The following SLC39A14 variants were observed in gnomAD, a reference collection of about 807,000 sequenced individuals.
SLC39A14 encodes solute carrier family 39 member 14, also known as metal cation symporter ZIP14.
SLC39A14 carries 19 observed loss-of-function variants against 45.5 expected under a neutral mutation model. That is an observed-to-expected ratio of 0.42 (90% CI 0.29 to 0.61). SLC39A14 has a LOEUF of 0.61. SLC39A14 is among the 20% of genes least tolerant of loss of function. SLC39A14 has a pLI of 0.22. For missense variants in SLC39A14, 447 were observed against 616.5 expected, an observed-to-expected ratio of 0.73 and a Z score of 2.91; for synonymous variants, 264 against 251.3, an observed-to-expected ratio of 1.05 and a Z score of -0.48.
intron 3 of SLC39A14, 26 bp downstream of exon 3, chr8:22,408,522 C>G: frequency 6.3e-7 from 1 of 1,593,914 alleles, no homozygotes; most frequent in Non-Finnish European, 8.6e-7. Context: ...AAGGCAGGAG[C>G]CCATCTCCCA....
At chr8:22,431,165 T>A (rs1005508449) in intron 8 of SLC39A14, among the ~76,000 whole-genome samples, 2 of 152,142 alleles carry the variant, frequency 1.3e-5, no homozygotes, top group African/African-American at 4.8e-5. Context: ...TTTTTTGTAT[T>A]TTTAGTAGAG....
chr8:22,397,964 G>A (rs1834604231), intron 1 of SLC39A14, among the ~76,000 whole-genome samples: 1 of 152,156 alleles, frequency 6.6e-6, no homozygotes, highest in Non-Finnish European at 1.5e-5. Context: ...TGATGTGCCA[G>A]GATCATGGGT....
chr8:22,382,345 G>A (rs1357210993), intron 1 of SLC39A14, among the ~76,000 whole-genome samples: 1 of 152,090 alleles, frequency 6.6e-6, no homozygotes, highest in Non-Finnish European at 1.5e-5. Flanking sequence ...TATGAAATAG[G>A]CACTCATACA....
Position 22,405,373 on chromosome 8 carries a change from C to A in SLC39A14, c.270+393C>A, listed in dbSNP as rs545868146. Among the ~76,000 whole-genome samples, 5 of 152,312 alleles carry A rather than the reference C, an allele frequency of 3.3e-5. No individual in the cohort carries two copies. In the South Asian group the frequency reaches 1.0e-3, roughly 32 times the overall value. ...ACTAGAAATACAAGAATTAGCCAGG[C>A]ATGGTGGCGGATGCCTGTGATCCCA... On this transcript the variant is annotated intron_variant, in intron 2 of 8. Coordinates refer to ENST00000381237, the MANE Select transcript of SLC39A14 (RefSeq NM_001128431.4).
chr8:22,392,208 C>T (rs1008267636), intron 1 of SLC39A14, among the ~76,000 whole-genome samples: 4 of 152,112 alleles, frequency 2.6e-5, no homozygotes, highest in African/African-American at 7.2e-5. Context: ...TAAGTAAAGC[C>T]GTTGTCCTGA....
chr8:22,416,349 G>T, intron 7 of SLC39A14, 69 bp downstream of exon 7: 1 of 1,338,182 alleles, frequency 7.5e-7, no homozygotes. Flanking sequence ...CCTGTGGCCG[G>T]TTCCTTGCTC....
intron 1 of SLC39A14, among the ~76,000 whole-genome samples, chr8:22,370,000 T>C (rs926407387): frequency 1.3e-5 from 2 of 152,134 alleles, no homozygotes; most frequent in Admixed American, 6.5e-5. Context: ...CACAGATCAA[T>C]TGGGCAATTT....
rs193284398 is a variant in SLC39A14 at position 22,391,578 on chromosome 8, T to C, written c.-15-13118T>C. On this transcript the variant is annotated intron_variant, in intron 1 of 8. Transcript: ENST00000381237. ...GTTCTGAGCTCCCTGTTCTTTTTTT[T>C]TTTTCTTTTGAGATGGAGTCTTTGC... Among the ~76,000 whole-genome samples the C allele has an allele frequency of 5.3e-3, 800 of 151,910 alleles. 7 individuals are homozygous for C. The highest frequency in any genetic ancestry group is 0.018 in the African/African-American group (762 of 41,430).
chr8:22,387,619 C>T (rs958537074), intron 1 of SLC39A14, among the ~76,000 whole-genome samples: 1 of 152,152 alleles, frequency 6.6e-6, no homozygotes, highest in African/African-American at 2.4e-5. Context: ...GTTTTTAAAC[C>T]TGAGGATAGG....
rs774725406 is a variant in SLC39A14, at chr8:22,404,827, C to T, written c.117C>T (p.Ser39=). The change falls in exon 2 of 9, where the codon AGC becomes AGT. Residue 39 remains serine (S), a synonymous_variant. Transcript: ENST00000381237. ...HASSLGAPAI[S]AASFLQDLIH... ...CATCCCTGGGTGCACCAGCTATCAG[C>T]GCTGCCTCCTTCCTGCAGGATCTAA... 6.2e-6 allele frequency: 10 copies of T among 1,613,622 alleles called. No homozygotes were observed. The highest frequency in any genetic ancestry group is 1.6e-4 in the Middle Eastern group (1 of 6,062).
chr8:22,382,747 C>T (rs1047751030), intron 1 of SLC39A14, among the ~76,000 whole-genome samples: 8 of 152,140 alleles, frequency 5.3e-5, no homozygotes, highest in African/African-American at 1.9e-4. Flanking sequence ...CAGAGTCTTA[C>T]TCTGCCACCC....
chr8:22,429,822 C>A (rs1236275072), intron 8 of SLC39A14, among the ~76,000 whole-genome samples: 1 of 152,136 alleles, frequency 6.6e-6, no homozygotes, highest in Non-Finnish European at 1.5e-5. Flanking sequence ...AAACAAAAAC[C>A]AAGTGCTACA....
At chr8:22,372,388 T>C (rs1832984732) in intron 1 of SLC39A14, among the ~76,000 whole-genome samples, 2 of 152,198 alleles carry the variant, frequency 1.3e-5, no homozygotes, top group African/African-American at 4.8e-5. Flanking sequence ...TAAGATCTTT[T>C]CCATATCAGC....
At chr8:22,376,607 C>T (rs1436913883) in intron 1 of SLC39A14, among the ~76,000 whole-genome samples, 3 of 151,968 alleles carry the variant, frequency 2.0e-5, no homozygotes, top group Non-Finnish European at 4.4e-5. Flanking sequence ...GGGCCAGGCA[C>T]GGTGGCTCAC....
chr8:22,420,275 A>G lies in SLC39A14; in HGVS notation c.*577A>G, dbSNP rs1836150498. 3 of 985,388 alleles carry G rather than the reference A, an allele frequency of 3.0e-6. No homozygotes were observed. The highest frequency in any genetic ancestry group is 6.1e-5 in the Admixed American group (1 of 16,268). The allele number at this position is 985,388 out of a possible 1,614,324, so 61.0% of individuals were successfully genotyped here. ...CATGAGCAGGGTGAGAGGTGAGGCA[A>G]GGTTCATCCTGAATGGGAGAGGAAG... On this transcript the variant is annotated 3_prime_UTR_variant, in exon 9 of 9. Coordinates refer to ENST00000381237, the MANE Select transcript of SLC39A14 (RefSeq NM_001128431.4).
At chr8:22,377,245 G>A (rs1232297645) in intron 1 of SLC39A14, among the ~76,000 whole-genome samples, 2 of 150,954 alleles carry the variant, frequency 1.3e-5, no homozygotes, top group African/African-American at 4.9e-5. Flanking sequence ...CCTTCCGGTT[G>A]TCTCCTGTGT....
At chr8:22,406,913 A>G (rs7823832) in intron 2 of SLC39A14, among the ~76,000 whole-genome samples, 85,277 of 151,766 alleles carry the variant, frequency 0.56, 24,876 homozygotes, top group African/African-American at 0.73. Context: ...GGAGCACACC[A>G]AGAGGGCTGA....
chr8:22,421,328 A>G lies in SLC39A14; in HGVS notation c.*1630A>G. On this transcript the variant is annotated 3_prime_UTR_variant, in exon 9 of 9. Coordinates refer to ENST00000381237, the MANE Select transcript of SLC39A14 (RefSeq NM_001128431.4). ...TCTCTTCTTGGGAGACATCTGTCAAACCAGGAATATTCTTGAAAAGAACGT... is the reference window on the plus strand; with the variant it reads ...TCTCTTCTTGGGAGACATCTGTCAAGCCAGGAATATTCTTGAAAAGAACGT... The G allele has an allele frequency of 2.0e-6, 2 of 985,866 alleles. No individual in the cohort carries two copies. The highest frequency in any genetic ancestry group is 2.4e-6 in the Non-Finnish European group (2 of 829,922). The allele number at this position is 985,866 out of a possible 1,614,324, so 61.1% of individuals were successfully genotyped here.
At chr8:22,372,731 C>T (rs1283272947) in intron 1 of SLC39A14, among the ~76,000 whole-genome samples, 4 of 152,058 alleles carry the variant, frequency 2.6e-5, no homozygotes, top group African/African-American at 9.7e-5. Flanking sequence ...CTTTTTGATG[C>T]TAGGACCCCT....
Sources: gnomAD v4.1 joint callset for allele counts (sites outside exome capture counted in the v4.1 genomes callset) on GRCh38, gnomAD v4.1.1 for gene constraint, MANE v1.5 for transcripts, NCBI Gene and HGNC (gene_info 2026-07-23, HGNC 2026-07-21) for gene names.